The following TSNAXIP1 variants were observed in gnomAD, a reference collection of about 807,000 sequenced individuals.
The protein encoded by TSNAXIP1 is translin-associated factor X-interacting protein 1.
Under a neutral mutation model 84.8 loss-of-function variants are expected in TSNAXIP1, and 89 were observed. The ratio of observed to expected loss-of-function variants is 1.05; its 90% CI spans 0.88 to 1.25. The LOEUF is 1.25. TSNAXIP1 is among the 50% of genes most tolerant of loss of function. The pLI is 0.00. For missense variants in TSNAXIP1, 874 were observed against 887.6 expected (o/e 0.98, Z 0.20); for synonymous variants, 347 against 335.2 (o/e 1.04, Z -0.39).
At chr16:67,818,086 G>T (rs1387358155) in intron 2 of TSNAXIP1, among the ~76,000 whole-genome samples, 1 of 151,314 alleles carries the variant, frequency 6.6e-6, no homozygotes, top group Non-Finnish European at 1.5e-5. Context: ...GCATGCGCCT[G>T]TAATTCCGGC....
chr16:67,820,387 C>T (rs1156954051), intron 2 of TSNAXIP1, among the ~76,000 whole-genome samples: 3 of 152,124 alleles, frequency 2.0e-5, no homozygotes, highest in Non-Finnish European at 4.4e-5. Context: ...AGACTTAACC[C>T]GAGTCTTCTC....
chr16:67,815,007 G>T (rs2056421859), intron 2 of TSNAXIP1, among the ~76,000 whole-genome samples: 1 of 151,410 alleles, frequency 6.6e-6, no homozygotes, highest in South Asian at 2.1e-4. Flanking sequence ...TATCAGAAGA[G>T]AAATGAAATT....
At chr16:67,809,541 T>C (rs1480169702) in intron 1 of TSNAXIP1, among the ~76,000 whole-genome samples, 1 of 150,654 alleles carries the variant, frequency 6.6e-6, no homozygotes, top group Non-Finnish European at 1.5e-5. Context: ...AAGAATTGCT[T>C]GAACCCAGGA....
At position 67,828,045 on chromosome 16, in the gene TSNAXIP1, T is replaced by C. The variant is rs553756455; in HGVS notation, c.*52T>C. 9.4e-6 allele frequency: 15 copies of C among 1,591,734 alleles called. No individual in the cohort carries two copies. The highest frequency in any genetic ancestry group is 1.3e-5 in the Non-Finnish European group (15 of 1,169,372). On this transcript the variant is annotated 3_prime_UTR_variant, in exon 16 of 16. Coordinates refer to ENST00000561639, the MANE Select transcript of TSNAXIP1 (RefSeq NM_001288990.3). The stretch of plus-strand genomic sequence containing the variant: ...AGTCCTGCTAACCCCTAGCTTTTAA[T>C]ATAAAAGTGTTTGTCTGAATCCATG...
chr16:67,810,899 C>G (rs2056003581), intron 1 of TSNAXIP1, among the ~76,000 whole-genome samples: 1 of 151,896 alleles, frequency 6.6e-6, no homozygotes, highest in Admixed American at 6.6e-5. Context: ...GCCACCACAC[C>G]TGGCTAATTT....
chr16:67,825,085 G>A, intron 6 of TSNAXIP1, 52 bp from the exon 7 acceptor site: 5 of 1,598,310 alleles, frequency 3.1e-6, no homozygotes, highest in Admixed American at 1.7e-5. Context: ...GTGACCAGCT[G>A]CATACAGGGG....
At position 67,827,004 on chromosome 16, in the gene TSNAXIP1, C is replaced by T; in HGVS notation, c.1596C>T (p.Ala532=). ...NVYVTQKETV[A]QLLKEMTNAD... is the part of the protein sequence containing the mutation. ...ATGTCACCCAGAAGGAGACAGTAGC[C>T]CAGCTGCTGAAGGAGATGACAAATG... Residue 532 remains alanine, a synonymous_variant, in exon 13 of 16, where the codon GCC becomes GCT. Transcript: ENST00000561639. The T allele has an allele frequency of 6.2e-7, 1 of 1,614,070 alleles. No individual in the cohort carries two copies. Among genetic ancestry groups the T allele is most frequent in the Non-Finnish European group, 8.5e-7 (1 of 1,180,032 alleles).
chr16:67,825,862 A>G (rs762699137), intron 8 of TSNAXIP1, 26 bp downstream of exon 8: 1 of 1,613,996 alleles, frequency 6.2e-7, no homozygotes, highest in Admixed American at 1.7e-5. Context: ...CAGGGCCAGG[A>G]GGGTAGGACG....
chr16:67,826,655 C>T (rs750963806), intron 11 of TSNAXIP1, 37 bp from the exon 12 acceptor site: 24 of 1,611,050 alleles, frequency 1.5e-5, no homozygotes, highest in East Asian at 2.2e-5. Context: ...GCCAACCAAC[C>T]GTAAGACTCT....
At position 67,821,194 on chromosome 16, in the gene TSNAXIP1, G is replaced by A; in HGVS notation, c.356G>A (p.Gly119Asp). Reference sequence around the variant, plus strand: ...AAGGAGCTCCTCCTGCTGGACCTGGGCACAGATTCCACCCAGGAACTAAGG... The same window carrying A: ...AAGGAGCTCCTCCTGCTGGACCTGGACACAGATTCCACCCAGGAACTAAGG... The part of the protein sequence containing the change: ...LRKELLLLDL[G>D]TDSTQELRLQ... The change falls in exon 4 of 16, where the codon GGC (glycine) becomes GAC (aspartate). Residue 119 changes from glycine (G) to aspartate (D), a missense_variant. Gly to Asp is a moderately conservative substitution (Grantham distance 94). Transcript: ENST00000561639. 6.8e-7 allele frequency: 1 copy of A among 1,474,746 alleles called. No homozygotes were observed. Among genetic ancestry groups the A allele is most frequent in the Non-Finnish European group, 9.1e-7 (1 of 1,094,454 alleles). 91.4% of individuals were successfully genotyped at this position (1,474,746 alleles called of 1,614,324 possible). A position where few individuals can be genotyped will look rare whatever the true frequency, so the allele number is the denominator to read the frequency against.
chr16:67,818,364 T>A lies in TSNAXIP1; in HGVS notation c.148-2475T>A, dbSNP rs1043545400. Among the ~76,000 whole-genome samples the A allele has an allele frequency of 4.0e-4, 61 of 152,072 alleles. 1 individual carries two copies. The highest frequency in any genetic ancestry group is 1.4e-3 in the African/African-American group (58 of 41,380). ...TTTCATCTCTACAAAAAAGATTTTT[T>A]AAATTAACCAGGAATGGTGGTGTGC... On this transcript the variant is annotated intron_variant, in intron 2 of 15. Coordinates refer to ENST00000561639, the MANE Select transcript of TSNAXIP1 (RefSeq NM_001288990.3).
intron 7 of TSNAXIP1, 56 bp downstream of exon 7, chr16:67,825,328 G>A: frequency 6.2e-7 from 1 of 1,602,798 alleles, no homozygotes; most frequent in Non-Finnish European, 8.5e-7. Flanking sequence ...GGAAGACTCT[G>A]GTCTCACCCC....
intron 2 of TSNAXIP1, among the ~76,000 whole-genome samples, chr16:67,818,027 G>A (rs2056734308): frequency 6.6e-6 from 1 of 151,980 alleles, no homozygotes; most frequent in African/African-American, 2.4e-5. Context: ...TGGCCAACAT[G>A]GTGAAACCCC....
rs373398036 is a variant in TSNAXIP1 at position 67,820,944 on chromosome 16, C to G, written c.253C>G (p.Arg85Gly). The change falls in exon 3 of 16, where the codon CGA (arginine) becomes GGA (glycine). Residue 85 changes from arginine (R) to glycine (G), a missense_variant. Physicochemically the swap from Arg to Gly is moderately radical, Grantham distance 125 (BLOSUM62 -2). Transcript: ENST00000561639. ...RKPCSDDYRK[R>G]VGSCQQHPFR... ...ACCCTGTTCAGATGACTACCGGAAG[C>G]GAGTAGGGTAAGCCAGGGTCAGTCC... 1 of 1,598,378 alleles carries G rather than the reference C, an allele frequency of 6.3e-7. No homozygotes were observed. The highest frequency in any genetic ancestry group is 8.5e-7 in the Non-Finnish European group (1 of 1,172,602).
At position 67,825,812 on chromosome 16, in the gene TSNAXIP1, G is replaced by C. The variant is rs750011762; in HGVS notation, c.960G>C (p.Lys320Asn). The C allele has an allele frequency of 4.3e-6, 7 of 1,614,188 alleles. No individual in the cohort carries two copies. The highest frequency in any genetic ancestry group is 5.9e-6 in the Non-Finnish European group (7 of 1,180,026). ...VPRRDFEMQEKTNKDLQEQLD... is the reference protein window; with the variant it reads ...VPRRDFEMQENTNKDLQEQLD... ...GGAGGGACTTTGAAATGCAGGAGAA[G>C]ACCAACAAGGATCTTCAGGAGCAGG... Residue 320 changes from lysine (K) to asparagine (N), a missense_variant, in exon 8 of 16, where the codon AAG (lysine) becomes AAC (asparagine). Coordinates refer to ENST00000561639, the MANE Select transcript of TSNAXIP1 (RefSeq NM_001288990.3).
chr16:67,815,099 C>T (rs2056429998), intron 2 of TSNAXIP1, among the ~76,000 whole-genome samples: 1 of 151,714 alleles, frequency 6.6e-6, no homozygotes, highest in Admixed American at 6.6e-5. Flanking sequence ...AGGCGGATCA[C>T]CTGAAGTAAG....
At chr16:67,823,803 G>T in intron 5 of TSNAXIP1, 84 bp downstream of exon 5, 1 of 1,226,996 alleles carries the variant, frequency 8.1e-7, no homozygotes, top group Non-Finnish European at 1.2e-6. Flanking sequence ...GATCACTTGA[G>T]GTCAGGAGTT....
At chr16:67,824,905 G>C in intron 6 of TSNAXIP1, 126 bp downstream of exon 6, 1 of 1,178,998 alleles carries the variant, frequency 8.5e-7, no homozygotes, top group Non-Finnish European at 1.2e-6. Context: ...CCTTCCCCCA[G>C]AGCCTTGCTA....
In TSNAXIP1 at chr16:67,826,502, CAAG is replaced by C. The variant is rs767257043; in HGVS notation, c.1345_1347del (p.Lys449del). The C allele has an allele frequency of 3.7e-6, 6 of 1,614,122 alleles. No individual in the cohort carries two copies. Among genetic ancestry groups the C allele is most frequent in the Middle Eastern group, 3.3e-4 (2 of 6,050 alleles). ...GCCTCGTGGAGAACAAGAAGCCAAG[CAAG>C]AAGGACGTGGTCAACCTCCTCAAGG... On this transcript the variant is annotated inframe_deletion, in exon 11 of 16. Coordinates refer to ENST00000561639, the MANE Select transcript of TSNAXIP1 (RefSeq NM_001288990.3).
Sources: allele counts gnomAD v4.1 joint callset (sites outside exome capture counted in the v4.1 genomes callset), GRCh38; gene constraint gnomAD v4.1.1; transcripts MANE v1.5; gene names NCBI Gene and HGNC (gene_info 2026-07-23, HGNC 2026-07-21).